The following KY variants were observed in gnomAD, a reference collection of about 807,000 sequenced individuals.
The protein encoded by KY is kyphoscoliosis peptidase.
In KY, 43 loss-of-function variants were observed where a neutral mutation model predicts 76.1. The ratio of observed to expected loss-of-function variants is 0.57; its 90% CI spans 0.44 to 0.73. The LOEUF (loss-of-function observed/expected upper bound fraction) is 0.73. KY is among the 30% of genes least tolerant of loss of function. The pLI, the probability that KY is intolerant of heterozygous loss-of-function variation, is 0.00. For synonymous variants in KY, 277 were observed against 326.2 expected (o/e 0.85, Z 1.63); for missense variants, 722 against 828.9 (o/e 0.87, Z 1.58).
chr3:134,622,416 C>T (rs1225683264), intron 6 of KY, among the ~76,000 whole-genome samples: 1 of 152,168 alleles, frequency 6.6e-6, no homozygotes, highest in African/African-American at 2.4e-5. Flanking sequence ...TATGCTACGA[C>T]ATGGATGAAC....
Position 134,603,535 on chromosome 3 carries a change from G to T in KY, c.*44C>A. On this transcript the variant is annotated 3_prime_UTR_variant, in exon 11 of 11. Transcript: ENST00000423778. ...CTTCCTTCGAGCCCTCCCTGGGGAG[G>T]TCTGGCCTTGGCCCTTTGGGAGGGT... 1.3e-6 allele frequency: 2 copies of T among 1,522,306 alleles called. No homozygotes were observed. The highest frequency in any genetic ancestry group is 1.8e-6 in the Non-Finnish European group (2 of 1,130,058). The allele number at this position is 1,522,306 out of a possible 1,614,324, so 94.3% of individuals were successfully genotyped here.
At chr3:134,613,399 C>G (rs997499535) in intron 8 of KY, among the ~76,000 whole-genome samples, 1 of 152,126 alleles carries the variant, frequency 6.6e-6, no homozygotes, top group Non-Finnish European at 1.5e-5. Flanking sequence ...GAGCCTGCCC[C>G]AGCCCTGGAA....
intron 3 of KY, among the ~76,000 whole-genome samples, chr3:134,635,882 C>T (rs531656862): frequency 6.6e-6 from 1 of 152,294 alleles, no homozygotes; most frequent in South Asian, 2.1e-4. Flanking sequence ...AAATCCAAAG[C>T]CGATTATAGT....
intron 10 of KY, chr3:134,607,407 G>A: frequency 1.0e-6 from 1 of 985,614 alleles, no homozygotes; most frequent in Non-Finnish European, 1.2e-6. Context: ...GCTCCCCAGG[G>A]GCTCTGGGCC....
intron 3 of KY, among the ~76,000 whole-genome samples, chr3:134,629,915 C>G (rs1453334151): frequency 6.6e-6 from 1 of 152,200 alleles, no homozygotes; most frequent in Non-Finnish European, 1.5e-5. Context: ...CCCTGTCTCT[C>G]CCACTGAATG....
At position 134,600,228 on chromosome 3, in the gene KY, A is replaced by C. The variant is rs1448969336; in HGVS notation, c.*3351T>G. ...TCAGGAATTAATTGGTTTGGAGAGG[A>C]GAAAACCCACTCCTTCTAGTGAACA... On this transcript the variant is annotated 3_prime_UTR_variant, in exon 11 of 11. Coordinates refer to ENST00000423778, the MANE Select transcript of KY (RefSeq NM_178554.6). Among the ~76,000 whole-genome samples the C allele has an allele frequency of 1.3e-5, 2 of 152,194 alleles. No homozygotes were observed. Among genetic ancestry groups the C allele is most frequent in the African/African-American group, 4.8e-5 (2 of 41,450 alleles).
intron 10 of KY, chr3:134,607,686 C>A (rs1577587437): frequency 2.0e-6 from 2 of 985,748 alleles, no homozygotes; most frequent in Non-Finnish European, 2.4e-6. Flanking sequence ...TCCAGGGCAG[C>A]CCCCGTATGC....
chr3:134,603,712 G>A lies in KY; in HGVS notation c.1853C>T (p.Thr618Ile), dbSNP rs745511733. 9.9e-6 allele frequency: 16 copies of A among 1,613,734 alleles called. No homozygotes were observed. The highest frequency in any genetic ancestry group is 4.0e-5 in the African/African-American group (3 of 74,940). ...CTCCCAGTAGCCCTCGTGGTTCAGG[G>A]TCAGGGGCCATGTGTCCTGCCCCTT... is the stretch of plus-strand genomic sequence containing the variant. ...LVKGQDTWPL[T>I]LNHEGYWEGS... Residue 618 changes from threonine (T) to isoleucine (I), a missense_variant, in exon 11 of 11, where the codon ACC becomes ATC. Transcript: ENST00000423778.
chr3:134,645,483 G>C (rs1316372812), intron 2 of KY, among the ~76,000 whole-genome samples: 1 of 152,200 alleles, frequency 6.6e-6, no homozygotes, highest in African/African-American at 2.4e-5. Flanking sequence ...ACCAGGGCTG[G>C]GTGCCTTGGG....
At chr3:134,614,726 G>T (rs1353992351) in intron 8 of KY, among the ~76,000 whole-genome samples, 10 of 152,128 alleles carry the variant, frequency 6.6e-5, no homozygotes, top group African/African-American at 2.4e-4. Flanking sequence ...TATTAATTTG[G>T]TATTATTTTA....
At chr3:134,616,210 C>T (rs1334260795) in intron 8 of KY, among the ~76,000 whole-genome samples, 3 of 152,178 alleles carry the variant, frequency 2.0e-5, no homozygotes, top group South Asian at 2.1e-4. Flanking sequence ...CAGTTACAAG[C>T]TATAGCATTA....
chr3:134,608,304 T>C, intron 10 of KY: 5 of 1,233,010 alleles, frequency 4.1e-6, no homozygotes, highest in Non-Finnish European at 5.2e-6. Flanking sequence ...CTCACCCAGC[T>C]AGGAAGTGCC....
intron 3 of KY, among the ~76,000 whole-genome samples, chr3:134,631,951 C>G (rs1964293213): frequency 6.6e-6 from 1 of 152,018 alleles, no homozygotes; most frequent in Admixed American, 6.6e-5. Flanking sequence ...CCAACTTTAA[C>G]TACTATGATA....
intron 1 of KY, among the ~76,000 whole-genome samples, chr3:134,649,669 TACTC>T (rs1966838988): frequency 6.6e-6 from 1 of 152,212 alleles, no homozygotes; most frequent in African/African-American, 2.4e-5. Context: ...CCTGTCAACA[TACTC>T]AGCCCTCTAG....
At chr3:134,627,606 C>G (rs921909806) in intron 5 of KY, 150 bp downstream of exon 5, 21 of 661,976 alleles carry the variant, frequency 3.2e-5, no homozygotes, top group Non-Finnish European at 5.4e-5. Context: ...CATTGCTAAT[C>G]AATCATGACA....
In KY at chr3:134,608,807, G is replaced by A; in HGVS notation, c.932C>T (p.Ala311Val). The A allele has an allele frequency of 6.2e-7, 1 of 1,613,218 alleles. No homozygotes were observed. Among genetic ancestry groups the A allele is most frequent in the South Asian group, 1.1e-5 (1 of 91,066 alleles). ...TGGGAAGTGGTCCTCGATGAACAGTGCAGGGTGGGTGAGGAAGTAGAACTC... is the reference window on the plus strand; with the variant it reads ...TGGGAAGTGGTCCTCGATGAACAGTACAGGGTGGGTGAGGAAGTAGAACTC... ...YNEFYFLTHP[A>V]LFIEDHFPDN... The change falls in exon 10 of 11, where the codon GCA (alanine) becomes GTA (valine). Residue 311 changes from alanine (A) to valine (V), a missense_variant. Coordinates refer to ENST00000423778, the MANE Select transcript of KY (RefSeq NM_178554.6).
intron 6 of KY, among the ~76,000 whole-genome samples, chr3:134,624,485 A>T (rs1560120470): frequency 6.6e-6 from 1 of 151,814 alleles, no homozygotes; most frequent in East Asian, 1.9e-4. Context: ...CTCCTATCAG[A>T]CTCTCTGTGC....
At chr3:134,620,886 A>G in intron 6 of KY, 29 bp from the exon 7 acceptor site, 1 of 1,406,168 alleles carries the variant, frequency 7.1e-7, no homozygotes, top group Non-Finnish European at 1.0e-6. Context: ...GTGCTGTATT[A>G]GGGCCTCGAG....
intron 4 of KY, among the ~76,000 whole-genome samples, chr3:134,628,298 TA>T (rs1577712494): frequency 6.6e-6 from 1 of 152,124 alleles, no homozygotes; most frequent in East Asian, 1.9e-4. Flanking sequence ...TTGGGAGGAT[TA>T]AAGGCCAACT....
Sources: allele counts gnomAD v4.1 joint callset (sites outside exome capture counted in the v4.1 genomes callset), GRCh38; gene constraint gnomAD v4.1.1; transcripts MANE v1.5; gene names NCBI Gene and HGNC (gene_info 2026-07-23, HGNC 2026-07-21).